Variants in LRFN1 observed in about 807,000 individuals in gnomAD.
The protein encoded by LRFN1 is leucine rich repeat and fibronectin type III domain containing 1.
In LRFN1, 20 loss-of-function variants were observed where a neutral mutation model predicts 31.8. That is an observed-to-expected ratio of 0.63 (90% CI 0.44 to 0.91). LRFN1 has a LOEUF of 0.91. Among genes scored for constraint, LRFN1 ranks in the 40% least tolerant of loss-of-function variants. The pLI is 0.00. For synonymous variants in LRFN1, 514 were observed against 541.3 expected (o/e 0.95, Z 0.70); for missense variants, 912 against 1,129.8 (o/e 0.81, Z 2.76).
rs1041221508 is a variant in LRFN1, at chr19:39,307,253, C to T, written c.*380G>A. ...GATACAAGAAATGGGCCCCTCGCCCCGGCCCCGGGTGACGGGCTGGGGGAG... is the reference window on the plus strand; with the variant it reads ...GATACAAGAAATGGGCCCCTCGCCCTGGCCCCGGGTGACGGGCTGGGGGAG... On this transcript the variant is annotated 3_prime_UTR_variant, in exon 5 of 5. Coordinates refer to ENST00000248668, the MANE Select transcript of LRFN1 (RefSeq NM_020862.2). The surrounding 1 kb of genome is among the most constrained non-coding windows in gnomAD (Gnocchi z 6.7). 5.0e-6 allele frequency: 2 copies of T among 398,106 alleles called. No individual in the cohort carries two copies. The highest frequency in any genetic ancestry group is 2.1e-5 in the African/African-American group (1 of 48,596). The allele number at this position is 398,106 out of a possible 1,614,324, so 24.7% of individuals were successfully genotyped here. A position where few individuals can be genotyped will look rare whatever the true frequency, so the allele number is the denominator to read the frequency against.
chr19:39,309,036 C>A (rs1470777471), intron 4 of LRFN1, among the ~76,000 whole-genome samples: 1 of 152,222 alleles, frequency 6.6e-6, no homozygotes, highest in South Asian at 2.1e-4. Flanking sequence ...GCTCACAGCG[C>A]CTGTCATATT....
Position 39,307,396 on chromosome 19 carries a change from G to A in LRFN1, c.*237C>T, listed in dbSNP as rs1012768369. 14 of 419,024 alleles carry A rather than the reference G, an allele frequency of 3.3e-5. No individual in the cohort carries two copies. Among genetic ancestry groups the A allele is most frequent in the Admixed American group, 1.3e-4 (3 of 22,752 alleles). The allele number at this position is 419,024 out of a possible 1,614,324, so 26.0% of individuals were successfully genotyped here. ...GCGCGAGGGGAGGGGTAGGAGGGGG[G>A]TCGAGGAGTCCATAGGGGAAGGGAG... is the stretch of plus-strand genomic sequence containing the variant. On this transcript the variant is annotated 3_prime_UTR_variant, in exon 5 of 5. Transcript: ENST00000248668. This position sits in a 1 kb window ranked among gnomAD's most constrained non-coding sequence, Gnocchi z 6.7.
chr19:39,307,482 C>G lies in LRFN1; in HGVS notation c.*151G>C, dbSNP rs952716509. Reference sequence around the variant, plus strand: ...GGGGGCGTGGCCTCGAGCCGCAGCCCGAGGCTGCCCCGCCCCCTCCCGGGG... The same window carrying G: ...GGGGGCGTGGCCTCGAGCCGCAGCCGGAGGCTGCCCCGCCCCCTCCCGGGG... On this transcript the variant is annotated 3_prime_UTR_variant, in exon 5 of 5. Coordinates refer to ENST00000248668, the MANE Select transcript of LRFN1 (RefSeq NM_020862.2). The surrounding 1 kb of genome is among the most constrained non-coding windows in gnomAD (Gnocchi z 6.7). The G allele has an allele frequency of 4.5e-6, 4 of 896,122 alleles. No homozygotes were observed. Among genetic ancestry groups the G allele is most frequent in the Non-Finnish European group, 6.0e-6 (4 of 667,622 alleles). The allele number at this position is 896,122 out of a possible 1,614,324, so 55.5% of individuals were successfully genotyped here.
At chr19:39,320,597 G>C (rs916205879) in intron 1 of LRFN1, among the ~76,000 whole-genome samples, 196 bp downstream of exon 1, 1 of 151,828 alleles carries the variant, frequency 6.6e-6, no homozygotes, top group Non-Finnish European at 1.5e-5. Flanking sequence ...GGCCGGGCTC[G>C]ACACCCCGCG....
At chr19:39,317,766 T>G (rs981992640) in intron 2 of LRFN1, among the ~76,000 whole-genome samples, 47 of 152,280 alleles carry the variant, frequency 3.1e-4, no homozygotes, top group South Asian at 2.1e-4. Context: ...TTTTATGACA[T>G]GCTTAGAATA....
intron 2 of LRFN1, among the ~76,000 whole-genome samples, chr19:39,317,292 C>T (rs575226160): frequency 6.6e-6 from 1 of 152,016 alleles, no homozygotes; most frequent in African/African-American, 2.4e-5. Flanking sequence ...GGGCTGAAGG[C>T]GGAAAAAGAG....
chr19:39,309,449 C>T (rs548979145), intron 4 of LRFN1, among the ~76,000 whole-genome samples: 2 of 126,384 alleles, frequency 1.6e-5, no homozygotes, highest in Admixed American at 2.0e-4. Context: ...ACCGCAAGAC[C>T]GAGACTCTGT....
Position 39,314,069 on chromosome 19 carries a change from G to A in LRFN1, c.1268C>T (p.Ala423Val), listed in dbSNP as rs1568569338. The stretch of plus-strand genomic sequence containing the variant: ...GGCTGCCACGAGCCGACGCTCAGCC[G>A]CAGAATCGTTGGCACCTGGTCTGCC... ...TPGRPGANDS[A>V]AERRLVAAEL... Residue 423 changes from alanine (A) to valine (V), a missense_variant, in exon 4 of 5, where the codon GCG becomes GTG. Ala to Val is a moderately conservative substitution (Grantham distance 64). Coordinates refer to ENST00000248668, the MANE Select transcript of LRFN1 (RefSeq NM_020862.2). 20 of 1,612,344 alleles carry A rather than the reference G, an allele frequency of 1.2e-5. No homozygotes were observed. Among genetic ancestry groups the A allele is most frequent in the Non-Finnish European group, 1.7e-5 (20 of 1,179,696 alleles).
At position 39,314,914 on chromosome 19, in the gene LRFN1, G is replaced by C; in HGVS notation, c.423C>G (p.His141Gln). Residue 141 changes from histidine to glutamine, a missense_variant, in exon 4 of 5, where the codon CAC becomes CAG. This residue lies in a region of LRFN1 where 401 missense variants were observed against 572.7 expected (regional missense o/e 0.70). Coordinates refer to ENST00000248668, the MANE Select transcript of LRFN1 (RefSeq NM_020862.2). ...GGATCTGGTTGTTTCCAAGGATCAG[G>C]TGGCGGAGGTTGCCCAGGCCGCGGA... ...DQLRGLGNLR[H>Q]LILGNNQIRR... 1.2e-6 allele frequency: 2 copies of C among 1,608,310 alleles called. No homozygotes were observed. The highest frequency in any genetic ancestry group is 1.7e-6 in the Non-Finnish European group (2 of 1,178,106).
chr19:39,314,302 G>A lies in LRFN1; in HGVS notation c.1035C>T (p.Ser345=). 6.2e-7 allele frequency: 1 copy of A among 1,606,998 alleles called. No homozygotes were observed. The highest frequency in any genetic ancestry group is 8.5e-7 in the Non-Finnish European group (1 of 1,177,134). ...APDGRLLGNS[S]RTRVRGDGTL... is the part of the protein sequence containing the mutation. ...TCCCGTCCCCCCGGACCCGGGTCCG[G>A]CTGGAGTTCCCCAGCAGCCGCCCAT... is the stretch of plus-strand genomic sequence containing the variant. The change falls in exon 4 of 5, where the codon AGC becomes AGT. Residue 345 remains serine, a synonymous_variant. Coordinates refer to ENST00000248668, the MANE Select transcript of LRFN1 (RefSeq NM_020862.2).
At position 39,308,587 on chromosome 19, in the gene LRFN1, C is replaced by G. The variant is rs2145028858; in HGVS notation, c.1407-45G>C. On this transcript the variant is annotated intron_variant, in intron 4 of 4. Transcript: ENST00000248668. This position sits in a 1 kb window ranked among gnomAD's most constrained non-coding sequence, Gnocchi z 6.2. ...CAGGGCGGGGTTAGTCCCCCCGAACCACGCCCCTTCGCTTTATGCCCCGCC... is the reference window on the plus strand; with the variant it reads ...CAGGGCGGGGTTAGTCCCCCCGAACGACGCCCCTTCGCTTTATGCCCCGCC... 1 of 1,503,648 alleles carries G rather than the reference C, an allele frequency of 6.7e-7. No individual in the cohort carries two copies. Among genetic ancestry groups the G allele is most frequent in the East Asian group, 2.3e-5 (1 of 43,280 alleles). The allele number at this position is 1,503,648 out of a possible 1,614,324, so 93.1% of individuals were successfully genotyped here.
At chr19:39,310,575 C>A (rs2075147059) in intron 4 of LRFN1, among the ~76,000 whole-genome samples, 1 of 152,178 alleles carries the variant, frequency 6.6e-6, no homozygotes, top group Non-Finnish European at 1.5e-5. Context: ...CTCAGCTAAA[C>A]CTGGACTGCC....
intron 2 of LRFN1, among the ~76,000 whole-genome samples, chr19:39,317,848 T>A (rs951104941): frequency 6.6e-6 from 1 of 152,142 alleles, no homozygotes; most frequent in African/African-American, 2.4e-5. Context: ...CTATTATTAT[T>A]ACTAATTTAT....
intron 4 of LRFN1, among the ~76,000 whole-genome samples, chr19:39,309,789 G>A (rs746379171): frequency 1.3e-5 from 2 of 152,194 alleles, no homozygotes; most frequent in Non-Finnish European, 2.9e-5. Context: ...GGGGTCAAAC[G>A]TAGCCAAGCA....
chr19:39,319,952 C>T (rs1217547442), intron 1 of LRFN1, among the ~76,000 whole-genome samples: 1 of 149,820 alleles, frequency 6.7e-6, no homozygotes, highest in Non-Finnish European at 1.5e-5. Context: ...ACTCTGGCTC[C>T]GTCTGCAGAT....
In LRFN1 at chr19:39,314,962, C is replaced by G; in HGVS notation, c.375G>C (p.Leu125=). Residue 125 remains leucine, a synonymous_variant, in exon 4 of 5, where the codon CTG becomes CTC. Coordinates refer to ENST00000248668, the MANE Select transcript of LRFN1 (RefSeq NM_020862.2). The part of the protein sequence containing the change: ...LRALHLDSNR[L]AEVRGDQLRG... Reference sequence around the variant, plus strand: ...GGAGCTGGTCGCCGCGCACCTCCGCCAGGCGGTTGCTGTCCAGGTGCAGGG... The same window carrying G: ...GGAGCTGGTCGCCGCGCACCTCCGCGAGGCGGTTGCTGTCCAGGTGCAGGG... 1 of 1,593,640 alleles carries G rather than the reference C, an allele frequency of 6.3e-7. No homozygotes were observed. Among genetic ancestry groups the G allele is most frequent in the Non-Finnish European group, 8.5e-7 (1 of 1,174,606 alleles).
chr19:39,320,035 A>T (rs1600486932), intron 1 of LRFN1, among the ~76,000 whole-genome samples: 2 of 94,404 alleles, frequency 2.1e-5, no homozygotes, highest in South Asian at 7.8e-4. Flanking sequence ...CCCCCACCTC[A>T]GGGCCCATCT....
chr19:39,319,940 T>C (rs541652703), intron 1 of LRFN1, among the ~76,000 whole-genome samples: 1 of 151,664 alleles, frequency 6.6e-6, no homozygotes, highest in Non-Finnish European at 1.5e-5. Flanking sequence ...AGGATGGAGG[T>C]AACTCTGGCT....
At chr19:39,317,128 A>T (rs1600485950) in intron 2 of LRFN1, among the ~76,000 whole-genome samples, 1 of 152,288 alleles carries the variant, frequency 6.6e-6, no homozygotes, top group East Asian at 1.9e-4. Flanking sequence ...GTCTGAAAGG[A>T]AGGTGAACAG....
Sources: allele counts gnomAD v4.1 joint callset (sites outside exome capture counted in the v4.1 genomes callset), GRCh38; gene constraint gnomAD v4.1.1; regional missense constraint gnomAD v4.1.1; non-coding constraint Gnocchi (gnomAD v3.1); transcripts MANE v1.5; gene names NCBI Gene and HGNC (gene_info 2026-07-23, HGNC 2026-07-21).